TANGO6: variants seen among roughly 807,000 people sequenced by gnomAD.
TANGO6 encodes the protein transport and golgi organization 6 homolog.
Under a neutral mutation model 114.2 loss-of-function variants are expected in TANGO6, and 90 were observed. That is an observed-to-expected ratio of 0.79 (90% CI 0.66 to 0.94). TANGO6 has a LOEUF of 0.94. Ranked by LOEUF, TANGO6 falls within the 40% of genes least tolerant of loss-of-function variation. TANGO6 has a pLI of 0.00. For synonymous variants in TANGO6, 477 were observed against 509.8 expected (o/e 0.94, Z 0.87); for missense variants, 1,274 against 1,315.3 (o/e 0.97, Z 0.49).
chr16:68,895,416 C>G (rs1399047706), intron 7 of TANGO6, among the ~76,000 whole-genome samples: 2 of 152,154 alleles, frequency 1.3e-5, no homozygotes, highest in Non-Finnish European at 2.9e-5. Flanking sequence ...TTGTGTACTA[C>G]TGTATTCACT....
At chr16:68,948,136 A>G (rs1271159517) in intron 14 of TANGO6, 1 of 152,096 alleles carries the variant, frequency 6.6e-6, no homozygotes, top group African/African-American at 2.4e-5. Flanking sequence ...ATATCTGTCC[A>G]GTGGTTTCCT....
rs1596991915 is a variant in TANGO6 at position 68,860,578 on chromosome 16, G to C, written c.735+54G>C. The C allele has an allele frequency of 3.2e-6, 5 of 1,570,264 alleles. No homozygotes were observed. The East Asian group carries it at 1.1e-4, about 35-fold the overall frequency. Reference sequence around the variant, plus strand: ...AGAGATTGTGTGTGTATGAATGTGTGTATATATTTGTGGATAGTTGTTATA... The same window carrying C: ...AGAGATTGTGTGTGTATGAATGTGTCTATATATTTGTGGATAGTTGTTATA... On this transcript the variant is annotated intron_variant, in intron 2 of 17. Coordinates refer to ENST00000261778, the MANE Select transcript of TANGO6 (RefSeq NM_024562.2).
At chr16:68,876,801 A>G (rs1370732960) in intron 5 of TANGO6, among the ~76,000 whole-genome samples, 1 of 152,052 alleles carries the variant, frequency 6.6e-6, no homozygotes, top group Non-Finnish European at 1.5e-5. Context: ...AGCCCGGGTG[A>G]CAGAGCGAGA....
At chr16:68,848,894 A>G (rs561626745) in intron 1 of TANGO6, among the ~76,000 whole-genome samples, 48 of 152,142 alleles carry the variant, frequency 3.2e-4, no homozygotes, top group African/African-American at 1.1e-3. Context: ...TGACATGACC[A>G]TGATAGTCTT....
At chr16:68,862,789 A>G (rs1043089895) in intron 2 of TANGO6, among the ~76,000 whole-genome samples, 156 bp from the exon 3 acceptor site, 2 of 152,214 alleles carry the variant, frequency 1.3e-5, no homozygotes, top group African/African-American at 2.4e-5. Context: ...GAATGTTTTA[A>G]TAGTACAGCT....
intron 12 of TANGO6, among the ~76,000 whole-genome samples, chr16:68,921,002 C>T (rs972448010): frequency 7.4e-5 from 11 of 149,350 alleles, no homozygotes; most frequent in African/African-American, 2.7e-4. Context: ...ACTCGGGAGG[C>T]TGAGGCAGGA....
intron 14 of TANGO6, among the ~76,000 whole-genome samples, chr16:68,968,832 A>T (rs763036817): frequency 4.7e-4 from 71 of 150,860 alleles, no homozygotes; most frequent in Non-Finnish European, 8.3e-4. Flanking sequence ...TACCACGCCC[A>T]GCTAATTTTT....
chr16:68,943,082 G>A (rs1416780340), intron 14 of TANGO6, among the ~76,000 whole-genome samples: 1 of 150,412 alleles, frequency 6.6e-6, no homozygotes, highest in African/African-American at 2.4e-5. Flanking sequence ...TGTGTTTTTT[G>A]TAGAGACAGG....
At position 68,880,644 on chromosome 16, in the gene TANGO6, G is replaced by A; in HGVS notation, c.1377+14G>A. 1 of 1,531,724 alleles carries A rather than the reference G, an allele frequency of 6.5e-7. No homozygotes were observed. Among genetic ancestry groups the A allele is most frequent in the South Asian group, 1.3e-5 (1 of 75,570 alleles). The allele number at this position is 1,531,724 out of a possible 1,614,324, so 94.9% of individuals were successfully genotyped here. A position where few individuals can be genotyped will look rare whatever the true frequency, so the allele number is the denominator to read the frequency against. On this transcript the variant is annotated intron_variant, in intron 7 of 17. Coordinates refer to ENST00000261778, the MANE Select transcript of TANGO6 (RefSeq NM_024562.2). ...GATGTGTTTAAGGTTGGTAATCTGA[G>A]TCACTAATGTTTTTATTTACTTCTT...
intron 16 of TANGO6, among the ~76,000 whole-genome samples, chr16:69,027,491 G>A (rs1597063623): frequency 6.6e-6 from 1 of 151,824 alleles, no homozygotes; most frequent in East Asian, 1.9e-4. Context: ...AAACCCAAGT[G>A]TTCTAATATA....
chr16:68,910,198 G>T (rs1962904015), intron 11 of TANGO6, among the ~76,000 whole-genome samples: 1 of 152,200 alleles, frequency 6.6e-6, no homozygotes, highest in South Asian at 2.1e-4. Flanking sequence ...GGTCGTCATT[G>T]TCATCTGCCT....
chr16:68,969,962 A>C (rs930713021), intron 14 of TANGO6, among the ~76,000 whole-genome samples: 1 of 152,060 alleles, frequency 6.6e-6, no homozygotes, highest in African/African-American at 2.4e-5. Flanking sequence ...GGCCACTGGC[A>C]GCTCCAGATT....
chr16:68,950,697 A>AT (rs1424701215), intron 14 of TANGO6, among the ~76,000 whole-genome samples: 3 of 150,048 alleles, frequency 2.0e-5, no homozygotes, highest in Admixed American at 6.7e-5. Flanking sequence ...CATCTCTACT[A>AT]AAAGTACTAA....
chr16:68,915,626 T>G (rs1032747689), intron 11 of TANGO6, among the ~76,000 whole-genome samples: 1 of 152,200 alleles, frequency 6.6e-6, no homozygotes, highest in African/African-American at 2.4e-5. Flanking sequence ...AGAAACAGTT[T>G]CTACCTAGTT....
rs1398614312 is a variant in TANGO6, at chr16:68,862,915, C to A, written c.736-30C>A. 4 of 1,461,734 alleles carry A rather than the reference C, an allele frequency of 2.7e-6. No individual in the cohort carries two copies. In the East Asian group the frequency reaches 9.7e-5, roughly 35 times the overall value. The allele number at this position is 1,461,734 out of a possible 1,614,324, so 90.5% of individuals were successfully genotyped here. ...TTCTATTGTCTGCCTGGTTTGAATTCCACTAAAGCCAAGTGCATATTTCTT... is the reference window on the plus strand; with the variant it reads ...TTCTATTGTCTGCCTGGTTTGAATTACACTAAAGCCAAGTGCATATTTCTT... On this transcript the variant is annotated intron_variant, in intron 2 of 17. Coordinates refer to ENST00000261778, the MANE Select transcript of TANGO6 (RefSeq NM_024562.2).
At chr16:69,027,487 A>G (rs1388715353) in intron 16 of TANGO6, among the ~76,000 whole-genome samples, 1 of 152,000 alleles carries the variant, frequency 6.6e-6, no homozygotes, top group Non-Finnish European at 1.5e-5. Flanking sequence ...CTTAAAACCC[A>G]AGTGTTCTAA....
At chr16:69,041,499 A>G (rs537955608) in intron 17 of TANGO6, among the ~76,000 whole-genome samples, 7 of 151,916 alleles carry the variant, frequency 4.6e-5, no homozygotes, top group Middle Eastern at 3.5e-3. Context: ...CATGGGCTTT[A>G]TTCATCCTAG....
At chr16:69,031,861 C>T (rs1218478679) in intron 16 of TANGO6, among the ~76,000 whole-genome samples, 1 of 151,858 alleles carries the variant, frequency 6.6e-6, no homozygotes, top group Non-Finnish European at 1.5e-5. Flanking sequence ...TGGGGTTTCA[C>T]CATGTTGCCT....
In TANGO6 at chr16:68,919,220, G is replaced by T; in HGVS notation, c.2127+1G>T. 4 of 1,612,340 alleles carry T rather than the reference G, an allele frequency of 2.5e-6. No individual in the cohort carries two copies. Among genetic ancestry groups the T allele is most frequent in the Non-Finnish European group, 3.4e-6 (4 of 1,179,436 alleles). On this transcript the variant is annotated splice_donor_variant, in intron 12 of 17. Coordinates refer to ENST00000261778, the MANE Select transcript of TANGO6 (RefSeq NM_024562.2). LOFTEE classifies it high-confidence loss of function. ...TGTCATGCTAGGAGGAGCTGTTCAG[G>T]TGAGTTGTAGACATGAGGCAAGCTT...
Sources: allele counts gnomAD v4.1 joint callset (sites outside exome capture counted in the v4.1 genomes callset), GRCh38; gene constraint gnomAD v4.1.1; transcripts MANE v1.5; gene names NCBI Gene and HGNC (gene_info 2026-07-23, HGNC 2026-07-21).